Variants in PDZRN4 observed in about 807,000 individuals in gnomAD.
PDZRN4 encodes PDZ domain containing ring finger 4.
In PDZRN4, 70 loss-of-function variants were observed where a neutral mutation model predicts 99.0. That is an observed-to-expected ratio of 0.71 (90% CI 0.58 to 0.86). The LOEUF (loss-of-function observed/expected upper bound fraction) is 0.86. Among genes scored for constraint, PDZRN4 ranks in the 40% least tolerant of loss-of-function variants. The probability of loss-of-function intolerance (pLI) is 0.00; values close to 1 mark genes in which losing one functional copy is unlikely to be tolerated. For synonymous variants in PDZRN4, 551 were observed against 501.6 expected (o/e 1.10, Z -1.32); for missense variants, 1,474 against 1,331.2 (o/e 1.11, Z -1.67).
chr12:41,200,188 A>G (rs959561120), intron 3 of PDZRN4, among the ~76,000 whole-genome samples: 2 of 152,150 alleles, frequency 1.3e-5, no homozygotes, highest in Non-Finnish European at 1.5e-5. Flanking sequence ...AGGCAGCCTC[A>G]TAGCTTCAGG....
intron 5 of PDZRN4, among the ~76,000 whole-genome samples, chr12:41,539,150 C>G (rs1217591330): frequency 6.6e-6 from 1 of 151,814 alleles, no homozygotes; most frequent in Admixed American, 6.6e-5. Context: ...GGGAGCTCCT[C>G]TAATTCTCCT....
At position 41,254,114 on chromosome 12, in the gene PDZRN4, A is replaced by G. The variant is rs569903719; in HGVS notation, c.843+59926A>G. Reference sequence around the variant, plus strand: ...ACACTTAAAAATAGTAAAGGTGGTAAATTAAATATGTGTATTTTACCTCAG... The same window carrying G: ...ACACTTAAAAATAGTAAAGGTGGTAGATTAAATATGTGTATTTTACCTCAG... On this transcript the variant is annotated intron_variant, in intron 3 of 9. Transcript: ENST00000402685. Among the ~76,000 whole-genome samples the G allele has an allele frequency of 7.2e-5, 11 of 152,010 alleles. No individual in the cohort carries two copies. The East Asian group carries it at 2.1e-3, about 29-fold the overall frequency.
At chr12:41,401,245 T>C (rs1952286730) in intron 3 of PDZRN4, among the ~76,000 whole-genome samples, 1 of 152,276 alleles carries the variant, frequency 6.6e-6, no homozygotes. Context: ...CATAGCCGAA[T>C]GAATAAATTG....
intron 3 of PDZRN4, among the ~76,000 whole-genome samples, chr12:41,300,572 G>T (rs1897231): frequency 1.3e-5 from 2 of 151,410 alleles, no homozygotes; most frequent in Non-Finnish European, 3.0e-5. Flanking sequence ...TTCCCTTGTG[G>T]TCATTATCTC....
chr12:41,206,464 C>T (rs1489306949), intron 3 of PDZRN4, among the ~76,000 whole-genome samples: 2 of 150,996 alleles, frequency 1.3e-5, no homozygotes, highest in Non-Finnish European at 2.9e-5. Context: ...TTGGCCATTT[C>T]AGTCTCCTGT....
chr12:41,246,455 T>A (rs1007206695), intron 3 of PDZRN4, among the ~76,000 whole-genome samples: 1 of 152,214 alleles, frequency 6.6e-6, no homozygotes, highest in Non-Finnish European at 1.5e-5. Flanking sequence ...AATATTCTTC[T>A]TGTTATTGGG....
chr12:41,447,502 C>T lies in PDZRN4; in HGVS notation c.844-58954C>T, dbSNP rs147797359. Among the ~76,000 whole-genome samples, 277 of 152,168 alleles carry T rather than the reference C, an allele frequency of 1.8e-3. 1 individual carries two copies. The highest frequency in any genetic ancestry group is 2.9e-3 in the Admixed American group (45 of 15,260). On this transcript the variant is annotated intron_variant, in intron 3 of 9. Transcript: ENST00000402685. ...TGTGAGTTACTTAACTTCATTGAGC[C>T]TCTGTTTAATTGATAAGTCTGAACC...
rs1246917554 is a variant in PDZRN4, at chr12:41,471,592, C to T, written c.844-34864C>T. 2.0e-5 allele frequency among the ~76,000 whole-genome samples: 3 copies of T among 149,824 alleles called. No individual in the cohort carries two copies. The East Asian group carries it at 5.8e-4, about 29-fold the overall frequency. On this transcript the variant is annotated intron_variant, in intron 3 of 9. Transcript: ENST00000402685. ...TATTTATTCTATAAATTTGAATAGA[C>T]CATTTGATGATGTTAATGATGATGA...
chr12:41,319,100 C>T (rs769224860), intron 3 of PDZRN4, among the ~76,000 whole-genome samples: 7 of 152,164 alleles, frequency 4.6e-5, no homozygotes, highest in Non-Finnish European at 7.3e-5. Context: ...CTTCAGACCT[C>T]ACTAGTACAA....
At chr12:41,242,070 G>A (rs752160020) in intron 3 of PDZRN4, among the ~76,000 whole-genome samples, 62 of 152,130 alleles carry the variant, frequency 4.1e-4, no homozygotes, top group Non-Finnish European at 5.9e-4. Flanking sequence ...CAGCAAGCAA[G>A]TGGGTCTAGA....
In PDZRN4 at chr12:41,365,158, T is replaced by G. The variant is rs74077541; in HGVS notation, c.844-141298T>G. ...GTCAGGTTTTTCTGTTCTCTTAGAG[T>G]TCAGTAAAATGGGAAATAATAAAAG... is the stretch of plus-strand genomic sequence containing the variant. On this transcript the variant is annotated intron_variant, in intron 3 of 9. Transcript: ENST00000402685. Among the ~76,000 whole-genome samples the G allele has an allele frequency of 4.2e-3, 639 of 152,096 alleles. 1 individual carries two copies. Among genetic ancestry groups the G allele is most frequent in the African/African-American group, 0.015 (617 of 41,506 alleles).
intron 3 of PDZRN4, among the ~76,000 whole-genome samples, chr12:41,381,229 T>C (rs1321547047): frequency 6.6e-6 from 1 of 152,188 alleles, no homozygotes; most frequent in Non-Finnish European, 1.5e-5. Context: ...TTTAGGACTA[T>C]TTGGGTCTCA....
chr12:41,452,403 C>A lies in PDZRN4; in HGVS notation c.844-54053C>A, dbSNP rs185288172. ...GCAGTGAGCCAAGATTGCACCACTG[C>A]ACTCCAGCCTGGGCGACAAAGTGAG... On this transcript the variant is annotated intron_variant, in intron 3 of 9. Coordinates refer to ENST00000402685, the MANE Select transcript of PDZRN4 (RefSeq NM_001164595.2). Among the ~76,000 whole-genome samples the A allele has an allele frequency of 6.0e-4, 90 of 150,026 alleles. 2 individuals carry two copies. The East Asian group carries it at 0.017, about 28-fold the overall frequency.
Position 41,443,289 on chromosome 12 carries a change from G to A in PDZRN4, c.844-63167G>A, listed in dbSNP as rs115285301. ...TCAGCATGATGGGAGCTTGGGGAGTGGGGGAGAAGAAGGGAGGAGAAACTA... is the reference window on the plus strand; with the variant it reads ...TCAGCATGATGGGAGCTTGGGGAGTAGGGGAGAAGAAGGGAGGAGAAACTA... On this transcript the variant is annotated intron_variant, in intron 3 of 9. Transcript: ENST00000402685. Among the ~76,000 whole-genome samples the A allele has an allele frequency of 2.0e-5, 3 of 152,058 alleles. No homozygotes were observed. In the East Asian group the frequency reaches 5.8e-4, roughly 29 times the overall value.
intron 3 of PDZRN4, among the ~76,000 whole-genome samples, chr12:41,483,395 G>C (rs1006370714): frequency 7.2e-5 from 11 of 152,070 alleles, no homozygotes; most frequent in African/African-American, 2.7e-4. Flanking sequence ...GTGCCACAGG[G>C]CTTGAACAGG....
intron 3 of PDZRN4, among the ~76,000 whole-genome samples, chr12:41,304,573 T>A (rs1951557410): frequency 6.6e-6 from 1 of 152,234 alleles, no homozygotes; most frequent in Non-Finnish European, 1.5e-5. Flanking sequence ...TAAGATTTCT[T>A]CAACGCCTTC....
chr12:41,558,066 C>T (rs1441339200), intron 7 of PDZRN4, among the ~76,000 whole-genome samples: 6 of 152,142 alleles, frequency 3.9e-5, no homozygotes, highest in Non-Finnish European at 7.4e-5. Context: ...GGACCATTTT[C>T]GTGTGTCATC....
At chr12:41,271,996 T>C (rs1285442466) in intron 3 of PDZRN4, among the ~76,000 whole-genome samples, 1 of 152,100 alleles carries the variant, frequency 6.6e-6, no homozygotes, top group Non-Finnish European at 1.5e-5. Context: ...ATTTCTATGT[T>C]TATATAAGCC....
chr12:41,358,252 A>G (rs901630006), intron 3 of PDZRN4, among the ~76,000 whole-genome samples: 6 of 151,974 alleles, frequency 3.9e-5, no homozygotes, highest in African/African-American at 1.4e-4. Flanking sequence ...AGCCACCCCA[A>G]CTAGTTATGT....
Sources: allele counts gnomAD v4.1 joint callset (sites outside exome capture counted in the v4.1 genomes callset), GRCh38; gene constraint gnomAD v4.1.1; transcripts MANE v1.5; gene names NCBI Gene and HGNC (gene_info 2026-07-23, HGNC 2026-07-21).